Variants in LPA observed in about 807,000 individuals in gnomAD.
The protein encoded by LPA is apolipoprotein(a).
Under a neutral mutation model 197.9 loss-of-function variants are expected in LPA, and 199 were observed. The ratio of observed to expected loss-of-function variants is 1.01; its 90% confidence interval spans 0.90 to 1.13. The LOEUF (loss-of-function observed/expected upper bound fraction) is 1.13. LPA is among the 50% of genes most tolerant of loss of function. The probability of loss-of-function intolerance (pLI) is 0.00; values close to 1 mark genes in which losing one functional copy is unlikely to be tolerated. For synonymous variants in LPA, 715 were observed against 639.5 expected (o/e 1.12, Z -1.78); for missense variants, 1,853 against 1,785.8 (o/e 1.04, Z -0.68).
intron 1 of LPA, among the ~76,000 whole-genome samples, chr6:160,654,316 AT>A (rs1356991396): frequency 1.3e-5 from 2 of 149,172 alleles, no homozygotes; most frequent in Admixed American, 7.1e-5. Flanking sequence ...GTCTTTTCAC[AT>A]TTTTCTCCCT....
rs746981272 is a variant in LPA, at chr6:160,606,636, T to C, written c.2626A>G (p.Arg876Gly). ...PNAGLIMNYCRNPDPVAAPYC... is the reference protein window; with the variant it reads ...PNAGLIMNYCGNPDPVAAPYC... ...GGGGCTGCCACAGGATCTGGATTCC[T>C]GCAGTAGTTCATGATCAAGCCACTG... is the stretch of plus-strand genomic sequence containing the variant. Residue 876 changes from arginine (R) to glycine (G), a missense_variant, in exon 17 of 39, where the codon AGG (arginine) becomes GGG (glycine). Physicochemically the swap from Arg to Gly is moderately radical, Grantham distance 125 (BLOSUM62 -2). Transcript: ENST00000316300. 3 of 1,614,056 alleles carry C rather than the reference T, an allele frequency of 1.9e-6. No individual in the cohort carries two copies. Among genetic ancestry groups the C allele is most frequent in the Non-Finnish European group, 2.5e-6 (3 of 1,179,950 alleles).
chr6:160,587,718 C>T (rs1451153040), intron 24 of LPA, among the ~76,000 whole-genome samples: 2 of 148,918 alleles, frequency 1.3e-5, no homozygotes, highest in African/African-American at 5.0e-5. Context: ...TCCTAGATGC[C>T]CTTGAGGCTC....
At chr6:160,587,749 CTTTGTG>C (rs1234681830) in intron 24 of LPA, among the ~76,000 whole-genome samples, 2 of 108,784 alleles carry the variant, frequency 1.8e-5, no homozygotes, top group Non-Finnish European at 3.8e-5. Flanking sequence ...TAGGTTCAGT[CTTTGTG>C]TGTGTGTGTG....
chr6:160,648,055 A>G (rs1164178075), intron 2 of LPA, among the ~76,000 whole-genome samples: 2 of 152,152 alleles, frequency 1.3e-5, no homozygotes, highest in Non-Finnish European at 2.9e-5. Flanking sequence ...GGAGTGCACA[A>G]TGTGCATTCC....
chr6:160,586,707 T>A, intron 24 of LPA, 77 bp from the exon 25 acceptor site: 3 of 1,600,018 alleles, frequency 1.9e-6, no homozygotes, highest in Admixed American at 1.7e-5. Flanking sequence ...TATGTTTTCT[T>A]GTAACAAAGT....
intron 31 of LPA, among the ~76,000 whole-genome samples, chr6:160,548,249 G>C (rs987091698): frequency 6.6e-6 from 1 of 152,110 alleles, no homozygotes; most frequent in African/African-American, 2.4e-5. Context: ...GAGGTTTTGC[G>C]CCAGTCCTAA....
chr6:160,646,973 T>G (rs1319504993), intron 2 of LPA, among the ~76,000 whole-genome samples: 1 of 152,184 alleles, frequency 6.6e-6, no homozygotes, highest in Non-Finnish European at 1.5e-5. Context: ...AAAAGCATTG[T>G]GCAAATAGTA....
chr6:160,553,438 G>A (rs372375455), intron 30 of LPA, among the ~76,000 whole-genome samples: 1 of 151,988 alleles, frequency 6.6e-6, no homozygotes, highest in African/African-American at 2.4e-5. Context: ...TTTACATCAC[G>A]TTTATTTTAA....
chr6:160,548,322 A>C (rs1421790324), intron 31 of LPA, among the ~76,000 whole-genome samples, 156 bp downstream of exon 31: 2 of 152,170 alleles, frequency 1.3e-5, no homozygotes. Flanking sequence ...GACGGCACTG[A>C]GACTTCCTTG....
intron 37 of LPA, among the ~76,000 whole-genome samples, chr6:160,535,333 T>C (rs1437593995): frequency 6.9e-6 from 1 of 145,092 alleles, no homozygotes; most frequent in Non-Finnish European, 1.5e-5. Context: ...AGTAGAATTG[T>C]GGTGATGGTG....
intron 16 of LPA, among the ~76,000 whole-genome samples, chr6:160,608,672 G>A (rs145012266): frequency 1.1e-3 from 160 of 151,954 alleles, no homozygotes; most frequent in African/African-American, 3.7e-3. Flanking sequence ...AAAAGTTTTC[G>A]GCCATCCTTG....
intron 1 of LPA, among the ~76,000 whole-genome samples, chr6:160,660,658 C>A (rs189625748): frequency 6.6e-6 from 1 of 152,230 alleles, no homozygotes; most frequent in Non-Finnish European, 1.5e-5. Flanking sequence ...AGTTGATAAG[C>A]ATCTTCTGAA....
chr6:160,557,531 T>G lies in LPA; in HGVS notation c.4672A>C (p.Lys1558Gln), dbSNP rs762900542. The change falls in exon 29 of 39, where the codon AAA becomes CAA. Residue 1558 changes from lysine to glutamine, a missense_variant. Lys to Gln is a moderately conservative substitution (Grantham distance 53, BLOSUM62 1). Transcript: ENST00000316300. Reference sequence around the variant, plus strand: ...TCGGTTGTGTAACACCAGGGTTGTTTCCCAGAATCTGGATTCCTGCAGTAG... The same window carrying G: ...TCGGTTGTGTAACACCAGGGTTGTTGCCCAGAATCTGGATTCCTGCAGTAG... ...ENYCRNPDSG[K>Q]QPWCYTTDPC... 6.2e-7 allele frequency: 1 copy of G among 1,614,024 alleles called. No homozygotes were observed. The highest frequency in any genetic ancestry group is 8.5e-7 in the Non-Finnish European group (1 of 1,179,986).
rs148143880 is a variant in LPA at position 160,537,832 on chromosome 6, G to C, written c.5842+23C>G. ...CTGAAGGTCAAAAACAATTTGTTAC[G>C]TGGGCAATGGAATTGATCTCACCTT... On this transcript the variant is annotated intron_variant, in intron 37 of 38. Coordinates refer to ENST00000316300, the MANE Select transcript of LPA (RefSeq NM_005577.4). 10 of 1,599,492 alleles carry C rather than the reference G, an allele frequency of 6.3e-6. No homozygotes were observed. The South Asian group carries it at 1.1e-4, about 18-fold the overall frequency.
chr6:160,604,644 T>G (rs558877956), intron 18 of LPA, among the ~76,000 whole-genome samples: 4 of 152,158 alleles, frequency 2.6e-5, no homozygotes, highest in African/African-American at 9.7e-5. Flanking sequence ...ACATATATAC[T>G]TTCCTTGTAA....
chr6:160,610,779 G>C (rs1779484744), intron 16 of LPA, among the ~76,000 whole-genome samples: 1 of 152,142 alleles, frequency 6.6e-6, no homozygotes, highest in Admixed American at 6.5e-5. Flanking sequence ...ATTCAGTGCA[G>C]GAAGGGTATC....
chr6:160,549,999 G>T (rs1778142427), intron 30 of LPA, among the ~76,000 whole-genome samples: 1 of 152,204 alleles, frequency 6.6e-6, no homozygotes, highest in South Asian at 2.1e-4. Flanking sequence ...AAGGCGGGTG[G>T]ATCACGAGGT....
At chr6:160,610,268 C>T (rs188859820) in intron 16 of LPA, among the ~76,000 whole-genome samples, 5 of 152,278 alleles carry the variant, frequency 3.3e-5, no homozygotes, top group Admixed American at 3.3e-4. Context: ...GTTGAGATTT[C>T]CTCTCACAGG....
chr6:160,634,863 C>G (rs1195632850), intron 7 of LPA, among the ~76,000 whole-genome samples: 1 of 150,212 alleles, frequency 6.7e-6, no homozygotes, highest in Non-Finnish European at 1.5e-5. Context: ...TGAGATAGCC[C>G]ATTTTAGAAG....
Sources: gnomAD v4.1 joint callset for allele counts (sites outside exome capture counted in the v4.1 genomes callset) on GRCh38, gnomAD v4.1.1 for gene constraint, MANE v1.5 for transcripts, NCBI Gene and HGNC (gene_info 2026-07-23, HGNC 2026-07-21) for gene names.